CANT1: variants seen among roughly 807,000 people sequenced by gnomAD.
The protein encoded by CANT1 is soluble calcium-activated nucleotidase 1.
A neutral mutation model predicts 30.0 loss-of-function variants in CANT1; 26 were observed. The ratio of observed to expected loss-of-function variants is 0.87; its 90% confidence interval spans 0.64 to 1.20. CANT1 has a LOEUF of 1.20. Ranked by LOEUF, CANT1 falls within the 50% of genes most tolerant of loss-of-function variation. The pLI is 0.00. For synonymous variants in CANT1, 246 were observed against 251.8 expected (o/e 0.98, Z 0.22); for missense variants, 518 against 563.0 (o/e 0.92, Z 0.81).
At chr17:79,003,808 A>AGAGCACTCACAG (rs1378036824) in intron 1 of CANT1, among the ~76,000 whole-genome samples, 2 of 151,144 alleles carry the variant, frequency 1.3e-5, no homozygotes, top group African/African-American at 2.4e-5. Context: ...TGCTGCCTGG[A>AGAGCACTCACAG]GAGCACTCAC....
In CANT1 at chr17:78,993,951, G is replaced by GC. The variant is rs1376214095; in HGVS notation, c.836-32dup. The GC allele has an allele frequency of 3.9e-6, 6 of 1,545,200 alleles. No individual in the cohort carries two copies. In the African/African-American group the frequency reaches 5.4e-5, roughly 14 times the overall value. On this transcript the variant is annotated intron_variant, in intron 4 of 4. Coordinates refer to ENST00000392446, the MANE Select transcript of CANT1 (RefSeq NM_001159773.2). The surrounding 1 kb of genome is among the most constrained non-coding windows in gnomAD (Gnocchi z 4.5). Reference sequence around the variant, plus strand: ...AACCGGGTGACCGCGGGTCAGACACGCATGCGGCCTGGTGTGCCCAGCCCC... The same window carrying GC: ...AACCGGGTGACCGCGGGTCAGACACGCCATGCGGCCTGGTGTGCCCAGCCCC...
intron 1 of CANT1, chr17:79,000,114 T>A (rs974168269): frequency 1.3e-5 from 2 of 152,414 alleles, no homozygotes; most frequent in African/African-American, 4.8e-5. Flanking sequence ...ATTTCTGACA[T>A]GCGTCTTAGA....
In CANT1 at chr17:78,992,291, CACCCCTGACGATCG is replaced by C. The variant is rs2070866774; in HGVS notation, c.*1245_*1258del. On this transcript the variant is annotated 3_prime_UTR_variant, in exon 5 of 5. Coordinates refer to ENST00000392446, the MANE Select transcript of CANT1 (RefSeq NM_001159773.2). Reference sequence around the variant, plus strand: ...GCCGGCACCCTCCGGCCCACCGTGGCACCCCTGACGATCGCGGGGTGGGGTAGGAGTGAGGGTGG... The same window carrying C: ...GCCGGCACCCTCCGGCCCACCGTGGCCGGGGTGGGGTAGGAGTGAGGGTGG... The C allele has an allele frequency of 4.3e-6, 1 of 233,120 alleles. No homozygotes were observed. Among genetic ancestry groups the C allele is most frequent in the Non-Finnish European group, 8.5e-6 (1 of 117,862 alleles). 14.4% of individuals were successfully genotyped at this position (233,120 alleles called of 1,614,324 possible).
At chr17:79,005,081 G>C (rs1400180386) in intron 1 of CANT1, among the ~76,000 whole-genome samples, 2 of 58,138 alleles carry the variant, frequency 3.4e-5, no homozygotes, top group African/African-American at 1.2e-4. Flanking sequence ...GGGGGAGTTA[G>C]GGAGGGGAGT....
intron 1 of CANT1, among the ~76,000 whole-genome samples, chr17:79,009,236 C>A (rs2071659746): frequency 6.8e-6 from 1 of 146,860 alleles, no homozygotes; most frequent in South Asian, 2.2e-4. Context: ...GGATGGTCCC[C>A]AAACTAATTA....
At position 78,992,713 on chromosome 17, in the gene CANT1, G is replaced by A. The variant is rs781025439; in HGVS notation, c.*837C>T. Reference sequence around the variant, plus strand: ...CCATTGGCCAAGAACGCCGACATGTGAGACTTGCTTCACCAGCCGCCACCG... The same window carrying A: ...CCATTGGCCAAGAACGCCGACATGTAAGACTTGCTTCACCAGCCGCCACCG... On this transcript the variant is annotated 3_prime_UTR_variant, in exon 5 of 5. Coordinates refer to ENST00000392446, the MANE Select transcript of CANT1 (RefSeq NM_001159773.2). The A allele has an allele frequency of 2.9e-4, 171 of 597,222 alleles. No individual in the cohort carries two copies. The highest frequency in any genetic ancestry group is 5.0e-4 in the Non-Finnish European group (153 of 308,542). 37.0% of individuals were successfully genotyped at this position (597,222 alleles called of 1,614,324 possible).
chr17:78,999,781 G>A (rs1234594768), intron 1 of CANT1, among the ~76,000 whole-genome samples: 1 of 149,258 alleles, frequency 6.7e-6, no homozygotes, highest in African/African-American at 2.5e-5. Context: ...AGATTCCCTA[G>A]TAGCTGGGAT....
Position 78,997,602 on chromosome 17 carries a change from C to T in CANT1, c.21G>A (p.Glu7=), listed in dbSNP as rs755452809. Residue 7 remains glutamate, a synonymous_variant, in exon 3 of 5, where the codon GAG becomes GAA. Coordinates refer to ENST00000392446, the MANE Select transcript of CANT1 (RefSeq NM_001159773.2). This position sits in a 1 kb window ranked among gnomAD's most constrained non-coding sequence, Gnocchi z 7.5. ...GCATAGACTCATTCCATTCCGGGTG[C>T]TCAGACAGCTGCACGGGCATCAGCG... The part of the protein sequence containing the change: MPVQLS[E]HPEWNESMHS... 1 of 1,566,932 alleles carries T rather than the reference C, an allele frequency of 6.4e-7. No homozygotes were observed.
At position 78,993,958 on chromosome 17, in the gene CANT1, G is replaced by T; in HGVS notation, c.836-38C>A. 6.5e-7 allele frequency: 1 copy of T among 1,537,618 alleles called. No individual in the cohort carries two copies. The highest frequency in any genetic ancestry group is 1.9e-5 in the Admixed American group (1 of 51,564). On this transcript the variant is annotated intron_variant, in intron 4 of 4. Transcript: ENST00000392446. The surrounding 1 kb of genome is among the most constrained non-coding windows in gnomAD (Gnocchi z 4.5). ...TGACCGCGGGTCAGACACGCATGCGGCCTGGTGTGCCCAGCCCCACACCAT... is the reference window on the plus strand; with the variant it reads ...TGACCGCGGGTCAGACACGCATGCGTCCTGGTGTGCCCAGCCCCACACCAT...
rs1289214717 is a variant in CANT1, at chr17:78,998,243, C to T, written c.-146-280G>A. On this transcript the variant is annotated intron_variant, in intron 1 of 4. Transcript: ENST00000392446. The surrounding 1 kb of genome is among the most constrained non-coding windows in gnomAD (Gnocchi z 4.5). ...AGAACAGTGCCTGGCCTGGAGCAGA[C>T]AGATGTGCAGTAAAGGAGTCTCCAC... is the stretch of plus-strand genomic sequence containing the variant. 6.1e-6 allele frequency: 1 copy of T among 162,990 alleles called. No homozygotes were observed. The highest frequency in any genetic ancestry group is 2.4e-5 in the African/African-American group (1 of 41,804). The allele number at this position is 162,990 out of a possible 1,614,324, so 10.1% of individuals were successfully genotyped here.
chr17:79,007,991 G>T (rs2071611013), intron 1 of CANT1: 1 of 152,252 alleles, frequency 6.6e-6, no homozygotes, highest in African/African-American at 2.4e-5. Flanking sequence ...ACATGAAAAA[G>T]TGACACTAGA....
At chr17:78,999,610 G>C (rs2071173439) in intron 1 of CANT1, among the ~76,000 whole-genome samples, 1 of 151,168 alleles carries the variant, frequency 6.6e-6, no homozygotes, top group Non-Finnish European at 1.5e-5. Flanking sequence ...CAAGTAGCTG[G>C]GACTACAGGC....
In CANT1 at chr17:78,995,397, C is replaced by G. The variant is rs1258418162; in HGVS notation, c.632-176G>C. 1.5e-5 allele frequency: 10 copies of G among 656,696 alleles called. No homozygotes were observed. In the Admixed American group the frequency reaches 2.2e-4, roughly 14 times the overall value. The allele number at this position is 656,696 out of a possible 1,614,324, so 40.7% of individuals were successfully genotyped here. On this transcript the variant is annotated intron_variant, in intron 3 of 4. Coordinates refer to ENST00000392446, the MANE Select transcript of CANT1 (RefSeq NM_001159773.2). This position sits in a 1 kb window ranked among gnomAD's most constrained non-coding sequence, Gnocchi z 5.7. ...CCGCCCAGGGCCGGCCGGCTGCCCT[C>G]CCCTCAGCTCCTGAAGGTTCAGTGA...
At chr17:79,003,960 T>G (rs1408759084) in intron 1 of CANT1, among the ~76,000 whole-genome samples, 3 of 17,136 alleles carry the variant, frequency 1.8e-4, no homozygotes, top group Non-Finnish European at 3.2e-4. Flanking sequence ...AGTTAGGGAG[T>G]AGGGAGTTGG....
At chr17:79,009,539 G>T (rs1057455880) in intron 1 of CANT1, 125 bp downstream of exon 1, 2 of 152,420 alleles carry the variant, frequency 1.3e-5, no homozygotes, top group African/African-American at 4.8e-5. Context: ...GGTGGGACGG[G>T]AAGGGGGCCT....
rs755936291 is a variant in CANT1, at chr17:78,992,722, T to G, written c.*828A>C. ...AAGAACGCCGACATGTGAGACTTGC[T>G]TCACCAGCCGCCACCGCTTCCTTAC... On this transcript the variant is annotated 3_prime_UTR_variant, in exon 5 of 5. Transcript: ENST00000392446. 1.7e-6 allele frequency: 1 copy of G among 596,986 alleles called. No homozygotes were observed. The highest frequency in any genetic ancestry group is 1.8e-5 in the African/African-American group (1 of 55,746). The allele number at this position is 596,986 out of a possible 1,614,324, so 37.0% of individuals were successfully genotyped here. A position where few individuals can be genotyped will look rare whatever the true frequency, so the allele number is the denominator to read the frequency against.
chr17:78,998,175 T>C lies in CANT1; in HGVS notation c.-146-212A>G, dbSNP rs1033980787. ...GACGTTAGAGTATTGTATACAGTTA[T>C]CGGTTTGTTTGTTTCTGTCTCCACC... On this transcript the variant is annotated intron_variant, in intron 1 of 4. Transcript: ENST00000392446. The surrounding 1 kb of genome is among the most constrained non-coding windows in gnomAD (Gnocchi z 4.5). 5.7e-6 allele frequency: 1 copy of C among 175,108 alleles called. No homozygotes were observed. The highest frequency in any genetic ancestry group is 2.4e-5 in the African/African-American group (1 of 42,168). The allele number at this position is 175,108 out of a possible 1,614,324, so 10.8% of individuals were successfully genotyped here.
At chr17:78,999,590 C>T (rs2071172106) in intron 1 of CANT1, among the ~76,000 whole-genome samples, 1 of 152,064 alleles carries the variant, frequency 6.6e-6, no homozygotes, top group African/African-American at 2.4e-5. Context: ...ATCCTCCCAC[C>T]TCAGCCTCCC....
intron 1 of CANT1, among the ~76,000 whole-genome samples, chr17:79,005,729 G>C (rs558927817): frequency 1.3e-5 from 2 of 152,186 alleles, no homozygotes; most frequent in East Asian, 1.9e-4. Context: ...AGGCCTCAGA[G>C]TGCCCACTGT....
Sources: gnomAD v4.1 joint callset for allele counts (sites outside exome capture counted in the v4.1 genomes callset) on GRCh38, gnomAD v4.1.1 for gene constraint, Gnocchi (gnomAD v3.1) non-coding constraint, MANE v1.5 for transcripts, NCBI Gene and HGNC (gene_info 2026-07-23, HGNC 2026-07-21) for gene names.